MAST4: variants seen among roughly 807,000 people sequenced by gnomAD.
MAST4 encodes microtubule associated serine/threonine kinase family member 4.
In MAST4, 89 loss-of-function variants were observed where a neutral mutation model predicts 162.7. The ratio of observed to expected loss-of-function variants is 0.55; its 90% CI spans 0.46 to 0.65. The LOEUF is 0.65. Among genes scored for constraint, MAST4 ranks in the 30% least tolerant of loss-of-function variants. MAST4 has a pLI of 0.00. For synonymous variants in MAST4, 1,479 were observed against 1,361.1 expected (o/e 1.09, Z -1.91); for missense variants, 3,153 against 3,374.0 (o/e 0.93, Z 1.62).
intron 5 of MAST4, among the ~76,000 whole-genome samples, chr5:67,078,334 A>G (rs1382526853): frequency 1.2e-5 from 1 of 83,988 alleles, no homozygotes. Context: ...CCTTGATGTG[A>G]AAAAAAAAAA....
intron 4 of MAST4, among the ~76,000 whole-genome samples, chr5:66,944,401 A>G (rs748737276): frequency 2.6e-5 from 4 of 152,142 alleles, no homozygotes; most frequent in Non-Finnish European, 5.9e-5. Flanking sequence ...GAAATTAAAA[A>G]TGTTATTAAA....
At chr5:66,791,964 C>G (rs1755432108) in intron 3 of MAST4, among the ~76,000 whole-genome samples, 1 of 152,172 alleles carries the variant, frequency 6.6e-6, no homozygotes, top group Non-Finnish European at 1.5e-5. Context: ...ACGTGTCACT[C>G]AAGTACATGT....
At chr5:67,125,528 T>A (rs1045537780) in intron 14 of MAST4, among the ~76,000 whole-genome samples, 3 of 152,200 alleles carry the variant, frequency 2.0e-5, no homozygotes. Context: ...CTGTGTTAGT[T>A]TGCTGAGAAT....
intron 1 of MAST4, among the ~76,000 whole-genome samples, chr5:66,752,145 C>T (rs1304149068): frequency 6.6e-6 from 1 of 152,056 alleles, no homozygotes; most frequent in African/African-American, 2.4e-5. Flanking sequence ...CTGAAGGAAA[C>T]ACTAAACATG....
At chr5:67,045,495 A>T (rs148325532) in intron 4 of MAST4, among the ~76,000 whole-genome samples, 1 of 152,220 alleles carries the variant, frequency 6.6e-6, no homozygotes, top group Admixed American at 6.5e-5. Context: ...AAAAATGTAC[A>T]CTTATACACA....
At chr5:66,780,933 A>G (rs1754843032) in intron 2 of MAST4, among the ~76,000 whole-genome samples, 1 of 152,218 alleles carries the variant, frequency 6.6e-6, no homozygotes, top group Non-Finnish European at 1.5e-5. Context: ...CACTCAGCCC[A>G]GGAAGGTCCA....
At chr5:66,755,188 T>G (rs1458834106) in intron 1 of MAST4, among the ~76,000 whole-genome samples, 3 of 152,106 alleles carry the variant, frequency 2.0e-5, no homozygotes, top group African/African-American at 7.2e-5. Flanking sequence ...GAAGTGATCT[T>G]GGGTGTATTT....
intron 3 of MAST4, among the ~76,000 whole-genome samples, chr5:66,883,420 CTGTTTTTT>C (rs1001806620): frequency 4.8e-5 from 6 of 125,514 alleles, no homozygotes; most frequent in South Asian, 2.5e-4. Flanking sequence ...TGTTCTGTCA[CTGTTTTTT>C]TTTTTTTTTT....
intron 3 of MAST4, among the ~76,000 whole-genome samples, chr5:66,821,586 G>A (rs1756998878): frequency 6.6e-6 from 1 of 152,192 alleles, no homozygotes. Flanking sequence ...GCAGGCGGTA[G>A]TATTGTAATA....
In MAST4 at chr5:67,167,064, A is replaced by G. The variant is rs373795356; in HGVS notation, c.*13A>G. 2.2e-5 allele frequency: 34 copies of G among 1,566,388 alleles called. No individual in the cohort carries two copies. In the African/African-American group the frequency reaches 3.4e-4, roughly 16 times the overall value. On this transcript the variant is annotated 3_prime_UTR_variant, in exon 29 of 29. Transcript: ENST00000403625. ...AAAGGCCTTGTAACGGGGAGGGCCCAGGGGCAGGACTGTGGAGACCCGTCC... is the reference window on the plus strand; with the variant it reads ...AAAGGCCTTGTAACGGGGAGGGCCCGGGGGCAGGACTGTGGAGACCCGTCC...
intron 4 of MAST4, among the ~76,000 whole-genome samples, chr5:66,977,220 C>A (rs1419733121): frequency 6.6e-6 from 1 of 152,172 alleles, no homozygotes; most frequent in Non-Finnish European, 1.5e-5. Context: ...TCTGCCCCAG[C>A]CTCCCTAGTA....
rs116707896 is a variant in MAST4, at chr5:66,722,528, C to G, written c.364-37181C>G. 5.7e-3 allele frequency among the ~76,000 whole-genome samples: 857 copies of G among 151,600 alleles called. 8 individuals carry two copies. Among genetic ancestry groups the G allele is most frequent in the African/African-American group, 0.02 (831 of 41,264 alleles). On this transcript the variant is annotated intron_variant, in intron 1 of 28. Coordinates refer to ENST00000403625, the MANE Select transcript of MAST4 (RefSeq NM_001164664.2). ...TTTTATTTATTTATTGTCCACCTCT[C>G]TCATCAGAATGTGAATCCCAGCAGG...
At chr5:66,610,591 T>G (rs1743225748) in intron 1 of MAST4, among the ~76,000 whole-genome samples, 1 of 152,206 alleles carries the variant, frequency 6.6e-6, no homozygotes, top group Non-Finnish European at 1.5e-5. Context: ...TCTAGCTTTT[T>G]GTTAGAACAC....
chr5:66,779,617 G>T (rs1390741100), intron 2 of MAST4, among the ~76,000 whole-genome samples: 1 of 152,130 alleles, frequency 6.6e-6, no homozygotes, highest in Non-Finnish European at 1.5e-5. Flanking sequence ...AGTGGAAGAT[G>T]AAAGAAACCA....
At chr5:66,817,415 G>T (rs1756784527) in intron 3 of MAST4, among the ~76,000 whole-genome samples, 1 of 152,126 alleles carries the variant, frequency 6.6e-6, no homozygotes, top group African/African-American at 2.4e-5. Context: ...AATATGTTCT[G>T]TTGTGTGGTA....
chr5:67,131,974 T>A (rs1340373270), intron 16 of MAST4, 23 bp downstream of exon 16: 1 of 1,603,520 alleles, frequency 6.2e-7, no homozygotes, highest in East Asian at 2.2e-5. Context: ...ATGAAATATA[T>A]GTCTTCTTTT....
intron 3 of MAST4, among the ~76,000 whole-genome samples, chr5:66,883,422 G>GTTTTTT (rs36071165): frequency 1.0e-5 from 1 of 97,254 alleles, no homozygotes; most frequent in African/African-American, 4.0e-5. Flanking sequence ...TTCTGTCACT[G>GTTTTTT]TTTTTTTTTT....
chr5:66,746,612 A>T (rs1022111492), intron 1 of MAST4, among the ~76,000 whole-genome samples: 1 of 152,208 alleles, frequency 6.6e-6, no homozygotes, highest in Non-Finnish European at 1.5e-5. Context: ...TTTAAATGGA[A>T]GGAAGATGAT....
At chr5:66,825,265 C>CAG (rs1757187493) in intron 3 of MAST4, among the ~76,000 whole-genome samples, 2 of 16,458 alleles carry the variant, frequency 1.2e-4, no homozygotes, top group Non-Finnish European at 2.0e-4. Flanking sequence ...AACTAAGACA[C>CAG]ACACACACAC....
Sources: allele counts gnomAD v4.1 joint callset (sites outside exome capture counted in the v4.1 genomes callset), GRCh38; gene constraint gnomAD v4.1.1; transcripts MANE v1.5; gene names NCBI Gene and HGNC (gene_info 2026-07-23, HGNC 2026-07-21).